Variants in PRRC2B observed in about 807,000 individuals in gnomAD.
PRRC2B encodes the protein proline rich coiled-coil 2B.
A neutral mutation model predicts 242.3 loss-of-function variants in PRRC2B; 68 were observed. The observed-to-expected ratio is 0.28, with a 90% CI of 0.23 to 0.34. PRRC2B has a LOEUF of 0.34. Ranked by LOEUF, PRRC2B falls within the 10% of genes least tolerant of loss-of-function variation. The pLI, the probability that PRRC2B is intolerant of heterozygous loss-of-function variation, is 1.00. For missense variants in PRRC2B, 2,835 were observed against 2,954.8 expected (o/e 0.96, Z 0.94); for synonymous variants, 1,228 against 1,173.6 (o/e 1.05, Z -0.95).
chr9:131,460,081 A>C (rs1236916325), intron 11 of PRRC2B, among the ~76,000 whole-genome samples: 1 of 152,066 alleles, frequency 6.6e-6, no homozygotes, highest in African/African-American at 2.4e-5. Flanking sequence ...ATTGAACAGT[A>C]AGTTGACAAC....
At position 131,459,368 on chromosome 9, in the gene PRRC2B, C is replaced by T. The variant is rs576406485; in HGVS notation, c.1404+12C>T. 6.2e-7 allele frequency: 1 copy of T among 1,604,834 alleles called. No homozygotes were observed. The highest frequency in any genetic ancestry group is 1.3e-5 in the African/African-American group (1 of 74,838). Reference sequence around the variant, plus strand: ...GCCCTGACTACCAGGTACCAAGGGCCCTTGGCTGTCCTGTGTATTTGTACT... The same window carrying T: ...GCCCTGACTACCAGGTACCAAGGGCTCTTGGCTGTCCTGTGTATTTGTACT... On this transcript the variant is annotated intron_variant, in intron 11 of 31. Transcript: ENST00000683519.
intron 1 of PRRC2B, among the ~76,000 whole-genome samples, chr9:131,403,220 T>C (rs1488168486): frequency 6.6e-6 from 1 of 152,218 alleles, no homozygotes; most frequent in African/African-American, 2.4e-5. Flanking sequence ...GTGGACTGAA[T>C]GGGCCAAGTG....
chr9:131,479,409 G>T lies in PRRC2B; in HGVS notation c.4900+16G>T. The T allele has an allele frequency of 1.9e-6, 3 of 1,610,694 alleles. No individual in the cohort carries two copies. The highest frequency in any genetic ancestry group is 2.5e-6 in the Non-Finnish European group (3 of 1,178,626). On this transcript the variant is annotated intron_variant, in intron 19 of 31. Coordinates refer to ENST00000683519, the MANE Select transcript of PRRC2B (RefSeq NM_013318.4). ...AGCAGCCAGGGTGAGAGTTGGGGGT[G>T]TGACCCCAGCTGTGGCACCCAAGGT...
At chr9:131,412,764 G>A (rs1462722134) in intron 1 of PRRC2B, among the ~76,000 whole-genome samples, 1 of 151,712 alleles carries the variant, frequency 6.6e-6, no homozygotes, top group Admixed American at 6.6e-5. Context: ...AAATGCAAAA[G>A]GGCCAAGAAT....
At chr9:131,449,713 G>A (rs1564287596) in intron 9 of PRRC2B, among the ~76,000 whole-genome samples, 1 of 152,008 alleles carries the variant, frequency 6.6e-6, no homozygotes, top group East Asian at 1.9e-4. Context: ...TTTAAACACT[G>A]TTTTGGTGAG....
At chr9:131,420,507 T>G (rs1394610338) in intron 1 of PRRC2B, among the ~76,000 whole-genome samples, 1 of 126,470 alleles carries the variant, frequency 7.9e-6, no homozygotes, top group Non-Finnish European at 1.7e-5. Flanking sequence ...TTTTTTTTTT[T>G]TTTGAGATGG....
At chr9:131,465,187 G>A (rs1943357592) in intron 12 of PRRC2B, 109 bp downstream of exon 12, 5 of 1,082,062 alleles carry the variant, frequency 4.6e-6, no homozygotes, top group East Asian at 2.6e-5. Flanking sequence ...GGCTTACAAC[G>A]AGATCGTATT....
Position 131,446,985 on chromosome 9 carries a change from T to A in PRRC2B, c.856-100T>A. ...GGAAACCCCATGACTTTCCTGTTTC[T>A]TTTTCCCATTTTCCACTTTATAAAA... On this transcript the variant is annotated intron_variant, in intron 7 of 31. Coordinates refer to ENST00000683519, the MANE Select transcript of PRRC2B (RefSeq NM_013318.4). This position sits in a 1 kb window ranked among gnomAD's most constrained non-coding sequence, Gnocchi z 4.1. The A allele has an allele frequency of 6.8e-7, 1 of 1,478,298 alleles. No homozygotes were observed. Among genetic ancestry groups the A allele is most frequent in the Admixed American group, 1.9e-5 (1 of 53,442 alleles). The allele number at this position is 1,478,298 out of a possible 1,614,324, so 91.6% of individuals were successfully genotyped here. A position where few individuals can be genotyped will look rare whatever the true frequency, so the allele number is the denominator to read the frequency against.
At chr9:131,378,120 C>T (rs1438406975) in intron 1 of PRRC2B, among the ~76,000 whole-genome samples, 1 of 151,836 alleles carries the variant, frequency 6.6e-6, no homozygotes, top group East Asian at 1.9e-4. Flanking sequence ...ACCAGTCTGA[C>T]CAACATGGTG....
chr9:131,403,680 C>A (rs7852258), intron 1 of PRRC2B, among the ~76,000 whole-genome samples: 552 of 5,326 alleles, frequency 0.1, 19 homozygotes, highest in Middle Eastern at 0.22. Flanking sequence ...AAAAAAAAAA[C>A]AAAATTAAAA....
At chr9:131,439,507 C>T (rs750614069) in intron 5 of PRRC2B, among the ~76,000 whole-genome samples, 8 of 152,312 alleles carry the variant, frequency 5.3e-5, no homozygotes, top group South Asian at 4.1e-4. Flanking sequence ...ATCCTGATAT[C>T]GCCTTCTGCT....
intron 5 of PRRC2B, among the ~76,000 whole-genome samples, chr9:131,440,149 C>CTCCTACCTT (rs373431711): frequency 5.3e-5 from 8 of 152,166 alleles, no homozygotes; most frequent in African/African-American, 1.9e-4. Context: ...TCAAATGATC[C>CTCCTACCTT]TCCTACCTTG....
chr9:131,478,997 C>T (rs1040323693), intron 18 of PRRC2B, among the ~76,000 whole-genome samples: 8 of 152,058 alleles, frequency 5.3e-5, no homozygotes, highest in African/African-American at 1.2e-4. Context: ...TCAAGTGGAT[C>T]GTGAACGCTA....
intron 1 of PRRC2B, among the ~76,000 whole-genome samples, chr9:131,405,483 C>T (rs573296488): frequency 3.3e-5 from 5 of 152,134 alleles, no homozygotes; most frequent in Non-Finnish European, 7.3e-5. Flanking sequence ...TTTGCAGCTC[C>T]TGATAGTGGC....
intron 13 of PRRC2B, among the ~76,000 whole-genome samples, 192 bp downstream of exon 13, chr9:131,467,945 C>T (rs1317804417): frequency 6.6e-6 from 1 of 152,108 alleles, no homozygotes; most frequent in Non-Finnish European, 1.5e-5. Context: ...AGCCCCTGGC[C>T]ATTATTTATT....
At chr9:131,495,312 C>T (rs1198789828) in intron 31 of PRRC2B, among the ~76,000 whole-genome samples, 1 of 152,066 alleles carries the variant, frequency 6.6e-6, no homozygotes, top group African/African-American at 2.4e-5. Flanking sequence ...CCAAGTCTGC[C>T]TAGGGCCCCA....
rs1381882228 is a variant in PRRC2B at position 131,446,371 on chromosome 9, T to A, written c.614-30T>A. The A allele has an allele frequency of 1.2e-6, 2 of 1,611,386 alleles. No homozygotes were observed. Among genetic ancestry groups the A allele is most frequent in the Non-Finnish European group, 1.7e-6 (2 of 1,178,756 alleles). On this transcript the variant is annotated intron_variant, in intron 6 of 31. Coordinates refer to ENST00000683519, the MANE Select transcript of PRRC2B (RefSeq NM_013318.4). The surrounding 1 kb of genome is among the most constrained non-coding windows in gnomAD (Gnocchi z 4.1). ...ATCCCTCCTTCCCCCTCCTCTTCCC[T>A]CTCCCCTTTTGCCCCCTTTCAATTT...
intron 1 of PRRC2B, among the ~76,000 whole-genome samples, chr9:131,400,483 A>C (rs925347693): frequency 1.3e-5 from 2 of 151,760 alleles, no homozygotes; most frequent in Non-Finnish European, 2.9e-5. Flanking sequence ...ACACCTGGCT[A>C]CTTTTTGTAT....
chr9:131,454,867 C>T (rs1054695136), intron 9 of PRRC2B, among the ~76,000 whole-genome samples: 7 of 149,454 alleles, frequency 4.7e-5, no homozygotes, highest in African/African-American at 1.8e-4. Flanking sequence ...AACTCCTGAC[C>T]TCATGATCCG....
Sources: gnomAD v4.1 joint callset for allele counts (sites outside exome capture counted in the v4.1 genomes callset) on GRCh38, gnomAD v4.1.1 for gene constraint, Gnocchi (gnomAD v3.1) non-coding constraint, MANE v1.5 for transcripts, NCBI Gene and HGNC (gene_info 2026-07-23, HGNC 2026-07-21) for gene names.